WWTR1: variants seen among roughly 807,000 people sequenced by gnomAD.
WWTR1 encodes WW domain containing transcription regulator 1.
WWTR1 carries 13 observed loss-of-function variants against 40.1 expected under a neutral mutation model. The ratio of observed to expected loss-of-function variants is 0.32; its 90% confidence interval spans 0.21 to 0.52. The LOEUF (loss-of-function observed/expected upper bound fraction) is 0.52. Ranked by LOEUF, WWTR1 falls within the 20% of genes least tolerant of loss-of-function variation. WWTR1 has a pLI of 0.97. For synonymous variants in WWTR1, 230 were observed against 210.1 expected, an observed-to-expected ratio of 1.09 and a Z score of -0.82; for missense variants, 436 against 523.1, an observed-to-expected ratio of 0.83 and a Z score of 1.63.
intron 4 of WWTR1, among the ~76,000 whole-genome samples, chr3:149,540,773 T>C (rs1044775646): frequency 6.6e-6 from 1 of 152,136 alleles, no homozygotes; most frequent in Non-Finnish European, 1.5e-5. Context: ...AATTATTAAG[T>C]TGTATTCCTC....
chr3:149,721,024 A>G (rs1348950007), intron 4 of WWTR1, among the ~76,000 whole-genome samples: 1 of 152,096 alleles, frequency 6.6e-6, no homozygotes, highest in Non-Finnish European at 1.5e-5. Context: ...TGGAATCTTC[A>G]GGGTTTTCTA....
intron 2 of WWTR1, chr3:149,650,179 C>G (rs907874470): frequency 2.0e-5 from 3 of 152,164 alleles, no homozygotes; most frequent in Non-Finnish European, 4.4e-5. Flanking sequence ...ATAGCATAAC[C>G]CAGACTCAGT....
intron 2 of WWTR1, among the ~76,000 whole-genome samples, chr3:149,591,028 T>C (rs958511565): frequency 3.3e-5 from 5 of 152,104 alleles, no homozygotes; most frequent in African/African-American, 1.2e-4. Flanking sequence ...ACCCTGGTTT[T>C]AATTAGGCAT....
intron 2 of WWTR1, among the ~76,000 whole-genome samples, chr3:149,636,347 G>C (rs530391332): frequency 8.5e-5 from 13 of 152,274 alleles, no homozygotes; most frequent in Admixed American, 2.6e-4. Flanking sequence ...TACCTCTTCA[G>C]CTCCATTGGG....
At chr3:149,668,342 C>T (rs919495728) in intron 2 of WWTR1, among the ~76,000 whole-genome samples, 1 of 152,106 alleles carries the variant, frequency 6.6e-6, no homozygotes, top group Non-Finnish European at 1.5e-5. Flanking sequence ...GACTCTTGGC[C>T]AGGCGTGTAA....
At chr3:149,605,250 C>T (rs1207582531) in intron 2 of WWTR1, among the ~76,000 whole-genome samples, 1 of 152,142 alleles carries the variant, frequency 6.6e-6, no homozygotes, top group Non-Finnish European at 1.5e-5. Context: ...TTTAGAAAAT[C>T]ACTTTGGCCA....
chr3:149,682,527 C>G (rs533360272), intron 1 of WWTR1, among the ~76,000 whole-genome samples: 16 of 152,294 alleles, frequency 1.1e-4, no homozygotes, highest in Admixed American at 5.9e-4. Context: ...ACAAACCTCT[C>G]TGGTCTAGAA....
At position 149,558,905 on chromosome 3, in the gene WWTR1, G is replaced by A. The variant is rs79142415; in HGVS notation, c.568+13959C>T. Among the ~76,000 whole-genome samples, 39 of 152,170 alleles carry A rather than the reference G, an allele frequency of 2.6e-4. No individual in the cohort carries two copies. In the Middle Eastern group the frequency reaches 0.014, roughly 53 times the overall value. ...AAAAATAGCCACAAAGGACATCACC[G>A]GGACAACTGAAGACATTTCGAATCT... On this transcript the variant is annotated intron_variant, in intron 3 of 6. Transcript: ENST00000360632.
intron 1 of WWTR1, among the ~76,000 whole-genome samples, chr3:149,682,272 A>G (rs1343927131): frequency 1.3e-5 from 2 of 152,162 alleles, no homozygotes; most frequent in East Asian, 3.9e-4. Context: ...AGAGACACTT[A>G]TTAGTTTTAA....
chr3:149,522,519 C>T (rs4681181), intron 6 of WWTR1, among the ~76,000 whole-genome samples: 11,434 of 151,978 alleles, frequency 0.075, 501 homozygotes, highest in East Asian at 0.2. Flanking sequence ...TGAAAAATAA[C>T]GTTAAACGAA....
chr3:149,722,172 G>A (rs1161612406), intron 4 of WWTR1, among the ~76,000 whole-genome samples: 1 of 151,944 alleles, frequency 6.6e-6, no homozygotes, highest in Non-Finnish European at 1.5e-5. Flanking sequence ...TCTTTTGGAA[G>A]AACCATCTTC....
chr3:149,533,798 G>A (rs924410995), intron 4 of WWTR1, among the ~76,000 whole-genome samples: 22 of 152,238 alleles, frequency 1.4e-4, no homozygotes, highest in African/African-American at 5.3e-4. Context: ...ATCTTGCTGG[G>A]ATGCTATAAA....
chr3:149,640,256 T>G (rs981128828), intron 2 of WWTR1, among the ~76,000 whole-genome samples: 7 of 152,152 alleles, frequency 4.6e-5, no homozygotes, highest in African/African-American at 1.7e-4. Context: ...TCTCCTCTGC[T>G]CAAAACCCAT....
chr3:149,625,275 C>T (rs1482617408), intron 2 of WWTR1, among the ~76,000 whole-genome samples: 4 of 151,628 alleles, frequency 2.6e-5, no homozygotes, highest in African/African-American at 7.3e-5. Context: ...GCGCCCACCA[C>T]GCCCGGCTAA....
chr3:149,650,883 G>A (rs1712828310), intron 2 of WWTR1, among the ~76,000 whole-genome samples: 1 of 152,210 alleles, frequency 6.6e-6, no homozygotes. Flanking sequence ...GATCCAGGTT[G>A]TCCCTCAAAG....
intron 1 of WWTR1, among the ~76,000 whole-genome samples, chr3:149,672,264 C>T (rs34588479): frequency 0.2 from 30,294 of 152,106 alleles, 3,251 homozygotes; most frequent in Admixed American, 0.3. Context: ...CCTAGAGCCT[C>T]ATTCTCAATT....
chr3:149,636,415 A>G (rs2108117570), intron 2 of WWTR1, among the ~76,000 whole-genome samples: 1 of 152,350 alleles, frequency 6.6e-6, no homozygotes, highest in Admixed American at 6.5e-5. Context: ...AATTTCCACC[A>G]TCAAGTGGAA....
At chr3:149,562,076 C>A (rs1737107000) in intron 3 of WWTR1, among the ~76,000 whole-genome samples, 1 of 152,116 alleles carries the variant, frequency 6.6e-6, no homozygotes. Context: ...GGGCGGATCA[C>A]CTGAGGTCAG....
chr3:149,574,722 C>T (rs7652697), intron 2 of WWTR1, among the ~76,000 whole-genome samples: 42,974 of 151,206 alleles, frequency 0.28, 6,337 homozygotes, highest in South Asian at 0.41. Flanking sequence ...GAAGGTATTG[C>T]CAAGGGGAAC....
Sources: allele counts gnomAD v4.1 joint callset (sites outside exome capture counted in the v4.1 genomes callset), GRCh38; gene constraint gnomAD v4.1.1; transcripts MANE v1.5; gene names NCBI Gene and HGNC (gene_info 2026-07-23, HGNC 2026-07-21).